TRAK1: variants seen among roughly 807,000 people sequenced by gnomAD.
The protein encoded by TRAK1 is trafficking kinesin-binding protein 1.
Under a neutral mutation model 92.1 loss-of-function variants are expected in TRAK1, and 33 were observed. The observed-to-expected ratio is 0.36, with a 90% CI of 0.27 to 0.48. TRAK1 has a LOEUF of 0.48. Among genes scored for constraint, TRAK1 ranks in the 20% least tolerant of loss-of-function variants. The pLI is 0.99. For missense variants in TRAK1, 1,123 were observed against 1,257.9 expected (o/e 0.89, Z 1.62); for synonymous variants, 521 against 517.3 (o/e 1.01, Z -0.10).
chr3:42,086,542 C>A (rs1704689044), upstream of TRAK1, among the ~76,000 whole-genome samples: 1 of 151,868 alleles, frequency 6.6e-6, no homozygotes, highest in African/African-American at 2.4e-5. Flanking sequence ...GTCTTGAACT[C>A]CTGACCTCAA....
chr3:42,069,515 T>C (rs928858310), intron 1 of TRAK1, among the ~76,000 whole-genome samples: 24 of 152,232 alleles, frequency 1.6e-4, no homozygotes, highest in African/African-American at 5.5e-4. Context: ...TGAAATTCTA[T>C]TGGAAATATT....
intron 1 of TRAK1, among the ~76,000 whole-genome samples, chr3:42,060,891 A>G (rs1039333494): frequency 1.3e-5 from 2 of 152,104 alleles, no homozygotes; most frequent in African/African-American, 4.8e-5. Context: ...TTGGCCGCCT[A>G]AAATGCTGGG....
chr3:42,032,639 C>A (rs1702189886), intron 1 of TRAK1, among the ~76,000 whole-genome samples: 1 of 152,168 alleles, frequency 6.6e-6, no homozygotes, highest in Admixed American at 6.5e-5. Flanking sequence ...AGACTATTGT[C>A]ATATCTTTTA....
intron 15 of TRAK1, 65 bp from the exon 16 acceptor site, chr3:42,222,877 C>T (rs1710496687): frequency 1.9e-6 from 3 of 1,551,556 alleles, no homozygotes; most frequent in East Asian, 2.3e-5. Flanking sequence ...AGGAAACTGG[C>T]CACTGACCCT....
At chr3:42,023,147 G>C (rs1305094149) in intron 1 of TRAK1, among the ~76,000 whole-genome samples, 1 of 99,084 alleles carries the variant, frequency 1.0e-5, no homozygotes, top group Admixed American at 1.5e-4. Context: ...GACAGAGCGA[G>C]ACTGCATCTC....
At chr3:42,179,575 TTGG>T (rs1425826491) in intron 3 of TRAK1, among the ~76,000 whole-genome samples, 1 of 152,126 alleles carries the variant, frequency 6.6e-6, no homozygotes, top group Non-Finnish European at 1.5e-5. Context: ...TATCCTGAAA[TTGG>T]TGAATGAGAT....
intron 2 of TRAK1, among the ~76,000 whole-genome samples, chr3:42,175,516 A>G (rs545966468): frequency 6.6e-6 from 1 of 152,142 alleles, no homozygotes; most frequent in African/African-American, 2.4e-5. Flanking sequence ...GATCTCATGA[A>G]AGTGTTGGGT....
chr3:42,020,487 CT>C (rs2148879332), intron 1 of TRAK1, among the ~76,000 whole-genome samples: 1 of 152,236 alleles, frequency 6.6e-6, no homozygotes, highest in South Asian at 2.1e-4. Context: ...TGCTTCATTC[CT>C]TTTTAGTGTG....
At chr3:42,189,991 A>T (rs187960600) in intron 6 of TRAK1, among the ~76,000 whole-genome samples, 49 of 151,960 alleles carry the variant, frequency 3.2e-4, no homozygotes, top group Admixed American at 2.3e-3. Context: ...CGTTACTTTG[A>T]TTCTCATTGG....
At chr3:42,024,578 A>G (rs1025189445) in intron 1 of TRAK1, among the ~76,000 whole-genome samples, 12 of 152,246 alleles carry the variant, frequency 7.9e-5, no homozygotes, top group Admixed American at 6.5e-4. Flanking sequence ...CATGATATTA[A>G]CAAGATATAA....
intron 13 of TRAK1, chr3:42,203,477 C>G: frequency 1.0e-6 from 1 of 978,018 alleles, no homozygotes. Context: ...CCCTCTCTCC[C>G]TCTTGCCCTC....
chr3:42,078,769 A>AAAT (rs745414247), intron 1 of TRAK1, among the ~76,000 whole-genome samples: 1 of 144,484 alleles, frequency 6.9e-6, no homozygotes, highest in East Asian at 1.9e-4. Flanking sequence ...AAAAAAAAAA[A>AAAT]AAAGAAAGAA....
chr3:42,074,376 C>T (rs958140734), intron 1 of TRAK1, among the ~76,000 whole-genome samples: 9 of 152,192 alleles, frequency 5.9e-5, no homozygotes, highest in Non-Finnish European at 8.8e-5. Flanking sequence ...TCACCTTCTA[C>T]GCAGGCATCA....
chr3:42,203,580 C>T, intron 13 of TRAK1: 1 of 980,352 alleles, frequency 1.0e-6, no homozygotes, highest in Non-Finnish European at 1.2e-6. Context: ...CCACCAAGTG[C>T]TTATATTTTT....
chr3:42,085,374 G>T (rs1704622711), upstream of TRAK1, among the ~76,000 whole-genome samples: 1 of 152,102 alleles, frequency 6.6e-6, no homozygotes, highest in South Asian at 2.1e-4. Context: ...TCACCATGTT[G>T]TCCAGGCTGG....
intron 2 of TRAK1, among the ~76,000 whole-genome samples, chr3:42,157,042 C>T (rs1700614382): frequency 1.3e-5 from 2 of 151,808 alleles, no homozygotes; most frequent in South Asian, 2.1e-4. Context: ...AATCCAGTTA[C>T]TTGGGAGGCT....
chr3:42,159,894 A>C (rs1457559196), intron 2 of TRAK1, among the ~76,000 whole-genome samples: 1 of 152,124 alleles, frequency 6.6e-6, no homozygotes, highest in Non-Finnish European at 1.5e-5. Context: ...CCAGCGCCCC[A>C]CCTTTAAACA....
At chr3:42,055,432 A>T (rs1421230442) in intron 1 of TRAK1, among the ~76,000 whole-genome samples, 1 of 152,210 alleles carries the variant, frequency 6.6e-6, no homozygotes, top group Admixed American at 6.5e-5. Flanking sequence ...AATGGTTTTC[A>T]GTGTTTACAG....
chr3:42,171,658 A>C (rs1314477682), intron 2 of TRAK1, among the ~76,000 whole-genome samples: 1 of 152,130 alleles, frequency 6.6e-6, no homozygotes, highest in Non-Finnish European at 1.5e-5. Context: ...GACAGTGTCA[A>C]GATAGAAACC....
Sources: allele counts gnomAD v4.1 joint callset (sites outside exome capture counted in the v4.1 genomes callset), GRCh38; gene constraint gnomAD v4.1.1; transcripts MANE v1.5; gene names NCBI Gene and HGNC (gene_info 2026-07-23, HGNC 2026-07-21).